The following MSRA variants were observed in gnomAD, a reference collection of about 807,000 sequenced individuals.
MSRA encodes the protein mitochondrial peptide methionine sulfoxide reductase.
In MSRA, 54 loss-of-function variants were observed where a neutral mutation model predicts 31.3. The observed-to-expected ratio is 1.73, with a 90% confidence interval of 1.39 to 2.17. MSRA has a LOEUF of 2.17. Ranked by LOEUF, MSRA falls within the 30% of genes most tolerant of loss-of-function variation. The pLI is 0.00. For missense variants in MSRA, 507 were observed against 300.9 expected (o/e 1.69, Z -5.07); for synonymous variants, 169 against 116.5 (o/e 1.45, Z -2.90).
intron 5 of MSRA, among the ~76,000 whole-genome samples, chr8:10,378,545 C>T (rs1468196568): frequency 6.6e-6 from 1 of 152,212 alleles, no homozygotes; most frequent in African/African-American, 2.4e-5. Context: ...ACTGGGCTCA[C>T]TGTGGCCATC....
At chr8:10,386,502 G>A (rs971823001) in intron 5 of MSRA, among the ~76,000 whole-genome samples, 5 of 152,136 alleles carry the variant, frequency 3.3e-5, no homozygotes, top group Non-Finnish European at 5.9e-5. Context: ...TTTCAAGGCC[G>A]TGAACCTTCA....
At chr8:10,412,165 G>A (rs1019652757) in intron 5 of MSRA, among the ~76,000 whole-genome samples, 4 of 152,220 alleles carry the variant, frequency 2.6e-5, no homozygotes, top group East Asian at 3.8e-4. Flanking sequence ...CCCCTATACA[G>A]TCATAAGGAA....
intron 1 of MSRA, among the ~76,000 whole-genome samples, chr8:10,119,997 G>A (rs1432333304): frequency 6.6e-6 from 1 of 152,198 alleles, no homozygotes; most frequent in Non-Finnish European, 1.5e-5. Context: ...CGTGATATAG[G>A]AGAGGGTCGC....
chr8:10,281,806 G>A (rs561889686), intron 3 of MSRA, among the ~76,000 whole-genome samples: 6 of 152,278 alleles, frequency 3.9e-5, no homozygotes, highest in Non-Finnish European at 5.9e-5. Context: ...TGATCAAGAC[G>A]AAGGCTATTA....
intron 1 of MSRA, among the ~76,000 whole-genome samples, chr8:10,109,430 C>A (rs753179036): frequency 6.6e-6 from 1 of 151,896 alleles, no homozygotes; most frequent in African/African-American, 2.4e-5. Context: ...CAACCTCCAT[C>A]TCCCGGGCTC....
chr8:10,170,603 G>C (rs1385483220), intron 1 of MSRA, among the ~76,000 whole-genome samples: 1 of 152,140 alleles, frequency 6.6e-6, no homozygotes, highest in Non-Finnish European at 1.5e-5. Flanking sequence ...TCAACCATTT[G>C]CAAAGCATTT....
At chr8:10,355,482 C>T (rs1013133067) in intron 5 of MSRA, among the ~76,000 whole-genome samples, 12 of 152,096 alleles carry the variant, frequency 7.9e-5, no homozygotes, top group Admixed American at 2.0e-4. Context: ...TTCTGAGACA[C>T]GTGTAAGGAA....
chr8:10,079,224 TC>T (rs1430925833), intron 1 of MSRA, among the ~76,000 whole-genome samples: 3 of 152,072 alleles, frequency 2.0e-5, no homozygotes, highest in Non-Finnish European at 2.9e-5. Flanking sequence ...AGTGGCAGGA[TC>T]TTGGCTTACT....
At chr8:10,106,901 TCTACCCAC>T (rs1235678226) in intron 1 of MSRA, among the ~76,000 whole-genome samples, 2 of 127,076 alleles carry the variant, frequency 1.6e-5, no homozygotes, top group African/African-American at 6.0e-5. Context: ...CGCCTACCCC[TCTACCCAC>T]CTACCCATTC....
Position 10,090,188 on chromosome 8 carries a change from C to T in MSRA, c.142+35530C>T, listed in dbSNP as rs142171333. Among the ~76,000 whole-genome samples the T allele has an allele frequency of 8.5e-5, 13 of 152,264 alleles. No homozygotes were observed. The East Asian group carries it at 2.3e-3, about 27-fold the overall frequency. ...GTTAAAATTTTGAATTCCCTAGGGC[C>T]TGGCAGTGTGAGTTGGAAGACAAAA... On this transcript the variant is annotated intron_variant, in intron 1 of 5. Transcript: ENST00000317173.
At chr8:10,194,577 C>T (rs1181851819) in intron 1 of MSRA, among the ~76,000 whole-genome samples, 1 of 152,170 alleles carries the variant, frequency 6.6e-6, no homozygotes, top group African/African-American at 2.4e-5. Context: ...AACCAAAAAA[C>T]AATTAACATA....
chr8:10,104,835 C>T (rs1016435369), intron 1 of MSRA, among the ~76,000 whole-genome samples: 1 of 152,114 alleles, frequency 6.6e-6, no homozygotes, highest in African/African-American at 2.4e-5. Context: ...GAGGAGAGGT[C>T]CATTCAGATG....
In MSRA at chr8:10,329,599, G is replaced by A. The variant is rs758823346; in HGVS notation, c.543+9610G>A. On this transcript the variant is annotated intron_variant, in intron 5 of 5. Coordinates refer to ENST00000317173, the MANE Select transcript of MSRA (RefSeq NM_012331.5). ...TAGGGGATTGGAACATGGACATTTT[G>A]GGGAGACCATTTTTCAGATGACCAC... Among the ~76,000 whole-genome samples the A allele has an allele frequency of 6.2e-4, 95 of 152,250 alleles. 1 individual carries two copies. Among genetic ancestry groups the A allele is most frequent in the Non-Finnish European group, 1.0e-3 (68 of 68,016 alleles).
At chr8:10,255,105 T>A (rs758393479) in intron 3 of MSRA, among the ~76,000 whole-genome samples, 4 of 152,232 alleles carry the variant, frequency 2.6e-5, no homozygotes, top group Non-Finnish European at 4.4e-5. Flanking sequence ...ATTCTGGCCC[T>A]AGAGTGCTGC....
At chr8:10,099,054 G>C (rs1481649133) in intron 1 of MSRA, among the ~76,000 whole-genome samples, 1 of 152,140 alleles carries the variant, frequency 6.6e-6, no homozygotes, top group Non-Finnish European at 1.5e-5. Flanking sequence ...ATTTTAAATG[G>C]ACCTATCAGT....
At chr8:10,375,997 T>C (rs554248574) in intron 5 of MSRA, among the ~76,000 whole-genome samples, 112 of 152,334 alleles carry the variant, frequency 7.4e-4, no homozygotes, top group Middle Eastern at 6.8e-3. Context: ...TTAATCACTC[T>C]GTTCCCCTCC....
At chr8:10,071,665 T>A (rs1432330502) in intron 1 of MSRA, among the ~76,000 whole-genome samples, 1 of 152,166 alleles carries the variant, frequency 6.6e-6, no homozygotes, top group Non-Finnish European at 1.5e-5. Flanking sequence ...AAGTCTGTGA[T>A]CCATTTTGAG....
At chr8:10,420,134 C>A (rs1054825748) in intron 5 of MSRA, among the ~76,000 whole-genome samples, 3 of 152,092 alleles carry the variant, frequency 2.0e-5, no homozygotes, top group Non-Finnish European at 4.4e-5. Context: ...ACGCATGCCA[C>A]CTCCTGGAGG....
At chr8:10,222,911 A>G (rs994888347) in intron 2 of MSRA, among the ~76,000 whole-genome samples, 2 of 152,224 alleles carry the variant, frequency 1.3e-5, no homozygotes, top group African/African-American at 2.4e-5. Context: ...GACTATAGTT[A>G]ATAATAATAC....
Sources: gnomAD v4.1 joint callset for allele counts (sites outside exome capture counted in the v4.1 genomes callset) on GRCh38, gnomAD v4.1.1 for gene constraint, MANE v1.5 for transcripts, NCBI Gene and HGNC (gene_info 2026-07-23, HGNC 2026-07-21) for gene names.